Variants in FHIP1A observed in about 807,000 individuals in gnomAD.
The protein encoded by FHIP1A is FHF complex subunit HOOK interacting protein 1A.
Under a neutral mutation model 88.6 loss-of-function variants are expected in FHIP1A, and 61 were observed. The ratio of observed to expected loss-of-function variants is 0.69; its 90% CI spans 0.56 to 0.85. FHIP1A has a LOEUF of 0.85. Ranked by LOEUF, FHIP1A falls within the 40% of genes least tolerant of loss-of-function variation. The pLI is 0.00. For synonymous variants in FHIP1A, 478 were observed against 496.0 expected, an observed-to-expected ratio of 0.96 and a Z score of 0.48; for missense variants, 1,154 against 1,273.5, an observed-to-expected ratio of 0.91 and a Z score of 1.43.
chr4:151,599,367 T>C (rs964678168), intron 7 of FHIP1A, among the ~76,000 whole-genome samples: 1 of 152,218 alleles, frequency 6.6e-6, no homozygotes, highest in African/African-American at 2.4e-5. Context: ...GTTCTGTTAG[T>C]CTGGGTTCTC....
chr4:151,570,780 A>T (rs1228682133), intron 4 of FHIP1A, among the ~76,000 whole-genome samples: 1 of 152,230 alleles, frequency 6.6e-6, no homozygotes, highest in African/African-American at 2.4e-5. Context: ...AGTCAGTATG[A>T]AATACAAGTT....
At chr4:151,584,625 C>G (rs1381046544) in intron 5 of FHIP1A, among the ~76,000 whole-genome samples, 1 of 152,104 alleles carries the variant, frequency 6.6e-6, no homozygotes, top group Admixed American at 6.5e-5. Flanking sequence ...TTTTAAGCAT[C>G]AGCCCCACGT....
rs370374898 is a variant in FHIP1A, at chr4:151,411,343, A to ATTCTTTTTTTTTTTTTTTTTTTTT, written c.-356+1879_-356+1880insTCTTTTTTTTTTTTTTTTTTTTTT. ...AATTGCCTCTGAGGAGTGAAATTAT[A>ATTCTTTTTTTTTTTTTTTTTTTTT]TATATATTTTTTTTTTTTTAAAGTT... On this transcript the variant is annotated intron_variant, in intron 1 of 13. Transcript: ENST00000435205. Among the ~76,000 whole-genome samples, 5 of 112,178 alleles carry ATTCTTTTTTTTTTTTTTTTTTTTT rather than the reference A, an allele frequency of 4.5e-5. 1 individual carries two copies. Among genetic ancestry groups the ATTCTTTTTTTTTTTTTTTTTTTTT allele is most frequent in the African/African-American group, 3.7e-5 (1 of 27,366 alleles). The allele number at this position is 112,178 out of a possible 152,430, so 73.6% of individuals were successfully genotyped here.
intron 1 of FHIP1A, among the ~76,000 whole-genome samples, chr4:151,443,330 T>C (rs1045995018): frequency 6.6e-6 from 1 of 151,270 alleles, no homozygotes; most frequent in Non-Finnish European, 1.5e-5. Flanking sequence ...ACTACAACCA[T>C]TTTTTGAGGA....
chr4:151,628,376 T>G (rs1461559097), intron 7 of FHIP1A, among the ~76,000 whole-genome samples: 2 of 152,144 alleles, frequency 1.3e-5, no homozygotes, highest in Non-Finnish European at 2.9e-5. Flanking sequence ...TAAAAGTAAT[T>G]TAAACTGCCA....
chr4:151,485,323 A>G (rs1730044816), intron 3 of FHIP1A, among the ~76,000 whole-genome samples: 1 of 131,598 alleles, frequency 7.6e-6, no homozygotes. Flanking sequence ...ATTGACCAGA[A>G]TGGCTTAAAA....
At position 151,545,369 on chromosome 4, in the gene FHIP1A, CTTTTTTTTTTT is replaced by C. The variant is rs569126288; in HGVS notation, c.-122-20753_-122-20743del. Among the ~76,000 whole-genome samples, 26 of 81,686 alleles carry C rather than the reference CTTTTTTTTTTT, an allele frequency of 3.2e-4. 1 individual carries two copies. Among genetic ancestry groups the C allele is most frequent in the African/African-American group, 9.2e-4 (18 of 19,654 alleles). 53.6% of individuals were successfully genotyped at this position (81,686 alleles called of 152,430 possible). A position where few individuals can be genotyped will look rare whatever the true frequency, so the allele number is the denominator to read the frequency against. ...CAAGGCAAAATATTTCCTTATCCTT[CTTTTTTTTTTT>C]TTTTTTTTTTTTTTTGAGACAGAGT... On this transcript the variant is annotated intron_variant, in intron 3 of 13. Coordinates refer to ENST00000435205, the MANE Select transcript of FHIP1A (RefSeq NM_001109977.3).
chr4:151,520,662 C>A (rs1731415205), intron 3 of FHIP1A, among the ~76,000 whole-genome samples: 1 of 152,056 alleles, frequency 6.6e-6, no homozygotes. Context: ...ATAATATATT[C>A]TAATTTTTAG....
At chr4:151,555,124 C>T (rs917653837) in intron 3 of FHIP1A, among the ~76,000 whole-genome samples, 1 of 152,102 alleles carries the variant, frequency 6.6e-6, no homozygotes, top group Non-Finnish European at 1.5e-5. Context: ...TTGATTCCCC[C>T]AGAGGCGTTG....
chr4:151,411,343 A>AT (rs370374898), intron 1 of FHIP1A, among the ~76,000 whole-genome samples: 27 of 112,234 alleles, frequency 2.4e-4, no homozygotes, highest in South Asian at 3.3e-4. Flanking sequence ...GTGAAATTAT[A>AT]TATATATTTT....
chr4:151,474,327 C>T (rs1226478798), intron 2 of FHIP1A, among the ~76,000 whole-genome samples: 1 of 152,132 alleles, frequency 6.6e-6, no homozygotes, highest in Non-Finnish European at 1.5e-5. Flanking sequence ...GCTCATTATG[C>T]TTTACATTGA....
intron 3 of FHIP1A, among the ~76,000 whole-genome samples, chr4:151,558,022 G>T (rs557749921): frequency 6.6e-6 from 1 of 152,140 alleles, no homozygotes; most frequent in Non-Finnish European, 1.5e-5. Context: ...TTATTCAGGG[G>T]TAAACAATCT....
At chr4:151,564,225 GA>G (rs1289979540) in intron 3 of FHIP1A, among the ~76,000 whole-genome samples, 1 of 152,126 alleles carries the variant, frequency 6.6e-6, no homozygotes, top group Non-Finnish European at 1.5e-5. Flanking sequence ...TTGAATTCTG[GA>G]GCTGGAAAGA....
At chr4:151,445,113 C>A (rs1728544437) in intron 1 of FHIP1A, among the ~76,000 whole-genome samples, 1 of 152,162 alleles carries the variant, frequency 6.6e-6, no homozygotes, top group Admixed American at 6.5e-5. Context: ...TCATGACCCC[C>A]TTCCTCAGGT....
Position 151,577,793 on chromosome 4 carries a change from G to A in FHIP1A, c.449G>A (p.Cys150Tyr), listed in dbSNP as rs543303426. ...CCTCTGATGATGTTGCTGAGCTCTT[G>A]TTCAGGAACAACCACCCCCACTGTG... Reference protein sequence around the residue: ...LKPLMMLLSSCSGTTTPTVEE... With the variant: ...LKPLMMLLSSYSGTTTPTVEE... The change falls in exon 5 of 14, where the codon TGT becomes TAT. Residue 150 changes from cysteine (C) to tyrosine (Y), a missense_variant. By Grantham distance (194) the Cys-to-Tyr change is radical. Coordinates refer to ENST00000435205, the MANE Select transcript of FHIP1A (RefSeq NM_001109977.3). 4.3e-5 allele frequency: 67 copies of A among 1,552,024 alleles called. No homozygotes were observed. In the African/African-American group the frequency reaches 7.9e-4, roughly 18 times the overall value.
intron 7 of FHIP1A, among the ~76,000 whole-genome samples, chr4:151,612,972 A>G (rs1735383202): frequency 6.6e-6 from 1 of 152,196 alleles, no homozygotes; most frequent in African/African-American, 2.4e-5. Flanking sequence ...TTAGTGGTGG[A>G]AGGCAGGTCA....
chr4:151,565,679 G>T (rs754352942), intron 3 of FHIP1A, among the ~76,000 whole-genome samples: 2 of 151,924 alleles, frequency 1.3e-5, no homozygotes, highest in Non-Finnish European at 2.9e-5. Context: ...TTAACTCATG[G>T]TTTTCCTGTT....
At chr4:151,446,324 G>A (rs1009391576) in intron 1 of FHIP1A, among the ~76,000 whole-genome samples, 2 of 152,074 alleles carry the variant, frequency 1.3e-5, no homozygotes, top group East Asian at 1.9e-4. Flanking sequence ...AACCTTTCAT[G>A]CTTTCTCTTC....
At chr4:151,490,047 C>G (rs1455162831) in intron 3 of FHIP1A, among the ~76,000 whole-genome samples, 1 of 152,148 alleles carries the variant, frequency 6.6e-6, no homozygotes, top group Non-Finnish European at 1.5e-5. Flanking sequence ...TGGCTGGAAA[C>G]CAACCACTTG....
Sources: gnomAD v4.1 joint callset for allele counts (sites outside exome capture counted in the v4.1 genomes callset) on GRCh38, gnomAD v4.1.1 for gene constraint, MANE v1.5 for transcripts, NCBI Gene and HGNC (gene_info 2026-07-23, HGNC 2026-07-21) for gene names.